CD34: variants seen among roughly 807,000 people sequenced by gnomAD.
CD34 encodes CD34 molecule.
A neutral mutation model predicts 40.1 loss-of-function variants in CD34; 34 were observed. That is an observed-to-expected ratio of 0.85 (90% CI 0.65 to 1.13). The LOEUF is 1.13. Among genes scored for constraint, CD34 ranks in the 50% most tolerant of loss-of-function variants. The pLI, the probability that CD34 is intolerant of heterozygous loss-of-function variation, is 0.00. For synonymous variants in CD34, 209 were observed against 190.0 expected (o/e 1.10, Z -0.82); for missense variants, 426 against 466.9 (o/e 0.91, Z 0.81).
chr1:207,892,593 A>G (rs1442358848), intron 4 of CD34, among the ~76,000 whole-genome samples: 2 of 152,142 alleles, frequency 1.3e-5, no homozygotes, highest in Non-Finnish European at 2.9e-5. Flanking sequence ...CTCAAAAAAA[A>G]AAAAGTGTCC....
At chr1:207,898,867 A>G (rs1016943516) in intron 3 of CD34, 106 bp downstream of exon 3, 122 of 1,237,004 alleles carry the variant, frequency 9.9e-5, no homozygotes, top group Non-Finnish European at 1.3e-4. Flanking sequence ...CACATGACCC[A>G]AATCCCACTG....
chr1:207,897,571 T>C lies in CD34; in HGVS notation c.519A>G (p.Ala173=). 1.3e-6 allele frequency: 2 copies of C among 1,551,880 alleles called. No homozygotes were observed. The highest frequency in any genetic ancestry group is 1.4e-5 in the African/African-American group (1 of 73,268). The part of the protein sequence containing the change: ...SSSPILSDIK[A]EIKCSGIREV... ...CTCTGATGCCTGAACATTTGATTTC[T>C]GCCTGTATTAAAACAAAAACAATAA... The change falls in exon 4 of 8, where the codon GCA becomes GCG. Residue 173 remains alanine, a splice_region_variant and synonymous_variant. Coordinates refer to ENST00000310833, the MANE Select transcript of CD34 (RefSeq NM_001025109.2).
intron 7 of CD34, chr1:207,888,199 T>G (rs1661949871): frequency 1.3e-6 from 2 of 1,498,992 alleles, no homozygotes; most frequent in Admixed American, 3.3e-5. Context: ...AAACGGGCAG[T>G]TCCAAGAAGG....
intron 4 of CD34, among the ~76,000 whole-genome samples, chr1:207,897,044 A>G (rs554843122): frequency 2.6e-5 from 4 of 152,266 alleles, no homozygotes; most frequent in Admixed American, 2.6e-4. Flanking sequence ...TAAATTCTAT[A>G]TGGATTAAAG....
chr1:207,905,366 C>T (rs1048934530), intron 1 of CD34, among the ~76,000 whole-genome samples: 1 of 152,240 alleles, frequency 6.6e-6, no homozygotes, highest in Admixed American at 6.5e-5. Context: ...AAACTCCTGA[C>T]CTCAGGTGAT....
intron 5 of CD34, 41 bp from the exon 6 acceptor site, chr1:207,889,254 C>G (rs1379239699): frequency 6.8e-6 from 11 of 1,613,858 alleles, no homozygotes; most frequent in South Asian, 2.2e-5. Context: ...AAAGAGAAAC[C>G]AGCTTATCCT....
At chr1:207,908,774 C>A (rs12730990) in intron 1 of CD34, among the ~76,000 whole-genome samples, 5 of 152,134 alleles carry the variant, frequency 3.3e-5, no homozygotes, top group Non-Finnish European at 7.4e-5. Flanking sequence ...TGATCTCCCC[C>A]ACTTCCAACA....
intron 1 of CD34, among the ~76,000 whole-genome samples, chr1:207,909,009 T>G (rs1048913859): frequency 1.3e-5 from 2 of 152,194 alleles, no homozygotes; most frequent in African/African-American, 2.4e-5. Flanking sequence ...TATCCCACAA[T>G]GTATCCCAGG....
At position 207,911,082 on chromosome 1, in the gene CD34, C is replaced by T. The variant is rs773464652; in HGVS notation, c.-2G>A. The T allele has an allele frequency of 9.5e-6, 15 of 1,575,948 alleles. No individual in the cohort carries two copies. Among genetic ancestry groups the T allele is most frequent in the Non-Finnish European group, 1.3e-5 (15 of 1,164,414 alleles). ...GCGCGCGCCCCTGCGGACCAGCATC[C>T]TTCCCGCGCGGCTCCTAGAGAGACG... is the stretch of plus-strand genomic sequence containing the variant. On this transcript the variant is annotated 5_prime_UTR_variant, in exon 1 of 8. Coordinates refer to ENST00000310833, the MANE Select transcript of CD34 (RefSeq NM_001025109.2).
chr1:207,889,345 C>A (rs1347683540), intron 5 of CD34, 120 bp downstream of exon 5: 3 of 1,539,090 alleles, frequency 1.9e-6, no homozygotes, highest in Non-Finnish European at 2.6e-6. Context: ...CCAAAGCCAG[C>A]CAAGTCCTTC....
rs753722630 is a variant in CD34, at chr1:207,889,146, T to A, written c.807+15A>T. ...CCGGCATTCCCTCTCAGGCCCATCA[T>A]CTCAGAGGACTTACCTTTTTCAGGT... is the stretch of plus-strand genomic sequence containing the variant. On this transcript the variant is annotated intron_variant, in intron 6 of 7. Transcript: ENST00000310833. 3 of 1,478,224 alleles carry A rather than the reference T, an allele frequency of 2.0e-6. No homozygotes were observed. The highest frequency in any genetic ancestry group is 2.8e-6 in the Non-Finnish European group (3 of 1,055,976). 91.6% of individuals were successfully genotyped at this position (1,478,224 alleles called of 1,614,324 possible). A position where few individuals can be genotyped will look rare whatever the true frequency, so the allele number is the denominator to read the frequency against.
intron 1 of CD34, among the ~76,000 whole-genome samples, chr1:207,905,650 G>GA (rs370043622): frequency 7.9e-5 from 12 of 152,290 alleles, no homozygotes; most frequent in African/African-American, 2.6e-4. Flanking sequence ...CCCCTAATCT[G>GA]AAAATCAGAA....
intron 1 of CD34, among the ~76,000 whole-genome samples, chr1:207,901,279 C>T (rs946340383): frequency 2.6e-5 from 4 of 152,244 alleles, no homozygotes; most frequent in African/African-American, 7.2e-5. Flanking sequence ...TGTACCCTCT[C>T]TTCTAGGTCA....
chr1:207,887,942 A>G lies in CD34; in HGVS notation c.973-19T>C. The stretch of plus-strand genomic sequence containing the variant: ...CTTCGCCCTAGACAGTGTATAAATA[A>G]AGTAGCATTATCTGGTAAGCAGGGC... On this transcript the variant is annotated intron_variant, in intron 7 of 7. Transcript: ENST00000310833. The G allele has an allele frequency of 1.2e-6, 2 of 1,606,688 alleles. No homozygotes were observed. The highest frequency in any genetic ancestry group is 1.7e-6 in the Non-Finnish European group (2 of 1,175,760).
chr1:207,894,469 C>T (rs1271866176), intron 4 of CD34, among the ~76,000 whole-genome samples: 1 of 152,074 alleles, frequency 6.6e-6, no homozygotes, highest in Non-Finnish European at 1.5e-5. Context: ...ATTGGTTGTA[C>T]AATAATGTGA....
intron 1 of CD34, among the ~76,000 whole-genome samples, chr1:207,904,366 G>A (rs1662336324): frequency 6.6e-6 from 1 of 152,204 alleles, no homozygotes; most frequent in Non-Finnish European, 1.5e-5. Flanking sequence ...GCCAGCCTCT[G>A]CCAGGAAGTA....
intron 1 of CD34, among the ~76,000 whole-genome samples, chr1:207,903,949 G>T (rs1662327748): frequency 6.6e-6 from 1 of 152,130 alleles, no homozygotes; most frequent in Admixed American, 6.5e-5. Context: ...TTGCAACATA[G>T]CCACGACATG....
chr1:207,910,911 G>A (rs1662498724), intron 1 of CD34, 91 bp downstream of exon 1: 10 of 1,311,218 alleles, frequency 7.6e-6, no homozygotes, highest in Non-Finnish European at 8.5e-6. Flanking sequence ...CCTTCCCTCC[G>A]TGAGACTCTG....
intron 1 of CD34, among the ~76,000 whole-genome samples, chr1:207,907,030 G>T (rs911855332): frequency 6.6e-6 from 1 of 151,770 alleles, no homozygotes; most frequent in African/African-American, 2.4e-5. Flanking sequence ...CTCCCTGTCC[G>T]CACTAGTATA....
Sources: allele counts gnomAD v4.1 joint callset (sites outside exome capture counted in the v4.1 genomes callset), GRCh38; gene constraint gnomAD v4.1.1; transcripts MANE v1.5; gene names NCBI Gene and HGNC (gene_info 2026-07-23, HGNC 2026-07-21).